SEC24B: variants seen among roughly 807,000 people sequenced by gnomAD.
SEC24B encodes the protein protein transport protein Sec24B.
A neutral mutation model predicts 142.8 loss-of-function variants in SEC24B; 45 were observed. The ratio of observed to expected loss-of-function variants is 0.32; its 90% CI spans 0.25 to 0.40. The LOEUF (loss-of-function observed/expected upper bound fraction) is 0.40. Among genes scored for constraint, SEC24B ranks in the 10% least tolerant of loss-of-function variants. The pLI is 1.00. For synonymous variants in SEC24B, 574 were observed against 568.2 expected, an observed-to-expected ratio of 1.01 and a Z score of -0.15; for missense variants, 1,409 against 1,526.8, an observed-to-expected ratio of 0.92 and a Z score of 1.29.
chr4:109,526,307 C>G lies in SEC24B; in HGVS notation c.2873C>G (p.Ala958Gly). The G allele has an allele frequency of 6.2e-7, 1 of 1,613,432 alleles. No individual in the cohort carries two copies. Among genetic ancestry groups the G allele is most frequent in the Non-Finnish European group, 8.5e-7 (1 of 1,179,442 alleles). The change falls in exon 17 of 24, where the codon GCT becomes GGT. Residue 958 changes from alanine to glycine, a missense_variant. Coordinates refer to ENST00000265175, the MANE Select transcript of SEC24B (RefSeq NM_006323.5). The stretch of plus-strand genomic sequence containing the variant: ...TCCCTTGCCAACATCAATCCTGATG[C>G]TGGATTTGCGGTGCAGTTGTCAATT... The part of the protein sequence containing the change: ...LLSLANINPD[A>G]GFAVQLSIEE...
chr4:109,485,563 A>G (rs1561121636), intron 4 of SEC24B, among the ~76,000 whole-genome samples: 1 of 152,322 alleles, frequency 6.6e-6, no homozygotes, highest in East Asian at 1.9e-4. Context: ...CATTTTTACT[A>G]TAATCTTAGT....
At position 109,525,477 on chromosome 4, in the gene SEC24B, G is replaced by A. The variant is rs1306533267; in HGVS notation, c.2764G>A (p.Ala922Thr). The A allele has an allele frequency of 6.2e-7, 1 of 1,610,800 alleles. No individual in the cohort carries two copies. Among genetic ancestry groups the A allele is most frequent in the Non-Finnish European group, 8.5e-7 (1 of 1,178,418 alleles). ...RYLTRKIGFEAVMRIRCTKGL... is the reference protein window; with the variant it reads ...RYLTRKIGFETVMRIRCTKGL... The stretch of plus-strand genomic sequence containing the variant: ...TCTCACAAGAAAAATTGGGTTTGAA[G>A]CTGTTATGAGAATAAGGTGTACTAA... Residue 922 changes from alanine (A) to threonine (T), a missense_variant, in exon 16 of 24, where the codon GCT becomes ACT. Ala to Thr is a moderately conservative substitution (Grantham distance 58). Around this residue, in one of 2 missense-constraint regions of SEC24B, gnomAD observed 700 missense variants for 853.3 expected, o/e 0.82. Transcript: ENST00000265175.
rs746168172 is a variant in SEC24B at position 109,521,570 on chromosome 4, T to C, written c.2452T>C (p.Leu818=). ...VSVFQTQLPS[L]GAGLLQSRED... ...TGTATTTCAGACACAGTTACCTTCC[T>C]TGGGTGCAGGACTTCTGCAATCCAG... Residue 818 remains leucine (L), a synonymous_variant, in exon 14 of 24, where the codon TTG becomes CTG. Transcript: ENST00000265175. 1.8e-5 allele frequency: 29 copies of C among 1,613,978 alleles called. No individual in the cohort carries two copies. The highest frequency in any genetic ancestry group is 2.4e-5 in the Non-Finnish European group (28 of 1,179,998).
chr4:109,512,295 C>G (rs1737423625), intron 9 of SEC24B, among the ~76,000 whole-genome samples: 1 of 152,048 alleles, frequency 6.6e-6, no homozygotes. Flanking sequence ...ACAGTGAGGA[C>G]AAAGTAAGAA....
At chr4:109,482,979 T>TATATACAC (rs781527364) in intron 4 of SEC24B, among the ~76,000 whole-genome samples, 16 of 26,412 alleles carry the variant, frequency 6.1e-4, no homozygotes, top group South Asian at 1.7e-3. Flanking sequence ...TATATATATA[T>TATATACAC]ACACACACAC....
intron 1 of SEC24B, among the ~76,000 whole-genome samples, chr4:109,438,512 C>CA (rs1578741435): frequency 6.6e-6 from 1 of 152,162 alleles, no homozygotes; most frequent in East Asian, 1.9e-4. Context: ...AGACTGATCT[C>CA]AAACTCCTGG....
In SEC24B at chr4:109,463,013, A is replaced by G. The variant is rs1418736467; in HGVS notation, c.246A>G (p.Pro82=). 4 of 1,614,162 alleles carry G rather than the reference A, an allele frequency of 2.5e-6. No homozygotes were observed. The highest frequency in any genetic ancestry group is 1.7e-4 in the Middle Eastern group (1 of 6,060). The change falls in exon 2 of 24, where the codon CCA becomes CCG. Residue 82 remains proline, a synonymous_variant. Coordinates refer to ENST00000265175, the MANE Select transcript of SEC24B (RefSeq NM_006323.5). ...SQGPGKMTSL[P]LDTQCGDYYS... The stretch of plus-strand genomic sequence containing the variant: ...GACCTGGGAAAATGACCTCATTGCC[A>G]TTGGATACCCAGTGTGGTGATTACT...
At chr4:109,500,939 G>A (rs969494674) in intron 6 of SEC24B, among the ~76,000 whole-genome samples, 1 of 152,102 alleles carries the variant, frequency 6.6e-6, no homozygotes, top group African/African-American at 2.4e-5. Context: ...GATTACAGAT[G>A]TGAGCCACCA....
intron 10 of SEC24B, among the ~76,000 whole-genome samples, chr4:109,516,079 A>G (rs183924442): frequency 3.9e-5 from 6 of 152,222 alleles, no homozygotes; most frequent in African/African-American, 1.4e-4. Context: ...TAATACCATC[A>G]CAAGGACTTT....
At chr4:109,492,531 C>T (rs927343355) in intron 5 of SEC24B, among the ~76,000 whole-genome samples, 1 of 152,144 alleles carries the variant, frequency 6.6e-6, no homozygotes, top group African/African-American at 2.4e-5. Flanking sequence ...ATTCAGTCAA[C>T]GAATTCTAAT....
Position 109,478,158 on chromosome 4 carries a change from G to A in SEC24B, c.1061-3519G>A, listed in dbSNP as rs1350287802. On this transcript the variant is annotated intron_variant, in intron 3 of 23. Transcript: ENST00000265175. ...AAAATTAGCTGGGCGTGATGGCACAGGCCTGTAATCCCAGCTACTCAGGAG... is the reference window on the plus strand; with the variant it reads ...AAAATTAGCTGGGCGTGATGGCACAAGCCTGTAATCCCAGCTACTCAGGAG... Among the ~76,000 whole-genome samples, 8 of 151,954 alleles carry A rather than the reference G, an allele frequency of 5.3e-5. 1 individual carries two copies. In the East Asian group the frequency reaches 1.5e-3, roughly 29 times the overall value.
At chr4:109,524,175 G>A (rs1433248851) in intron 14 of SEC24B, among the ~76,000 whole-genome samples, 2 of 152,056 alleles carry the variant, frequency 1.3e-5, no homozygotes, top group Non-Finnish European at 2.9e-5. Context: ...TTCTCTATCT[G>A]TCTGCCTAGG....
Position 109,433,856 on chromosome 4 carries a change from C to T in SEC24B, c.-14C>T. ...CCTCCCTGAAGCGGAGCCGCCGTCG[C>T]CACCAGCGCCGTCATGTCGGCCCCC... On this transcript the variant is annotated 5_prime_UTR_variant, in exon 1 of 24. Coordinates refer to ENST00000265175, the MANE Select transcript of SEC24B (RefSeq NM_006323.5). The T allele has an allele frequency of 1.5e-6, 2 of 1,315,000 alleles. No homozygotes were observed. The highest frequency in any genetic ancestry group is 3.3e-5 in the East Asian group (1 of 30,730). 81.5% of individuals were successfully genotyped at this position (1,315,000 alleles called of 1,614,324 possible).
intron 1 of SEC24B, among the ~76,000 whole-genome samples, chr4:109,452,437 A>T (rs1954917145): frequency 6.6e-6 from 1 of 152,212 alleles, no homozygotes; most frequent in African/African-American, 2.4e-5. Context: ...TAGGTAAATA[A>T]CTACAGTGGG....
intron 1 of SEC24B, chr4:109,449,516 GCC>G: frequency 2.2e-6 from 1 of 455,532 alleles, no homozygotes; most frequent in Admixed American, 2.4e-5. Context: ...ACAGGTGTGT[GCC>G]ACTACGCCCA....
chr4:109,533,943 G>A (rs987339529), intron 22 of SEC24B, among the ~76,000 whole-genome samples: 1 of 151,900 alleles, frequency 6.6e-6, no homozygotes, highest in Non-Finnish European at 1.5e-5. Context: ...TGCCTGTTCT[G>A]GATATGTTAT....
chr4:109,485,105 A>G (rs1178091654), intron 4 of SEC24B, among the ~76,000 whole-genome samples: 1 of 152,174 alleles, frequency 6.6e-6, no homozygotes. Flanking sequence ...TGTGATAATG[A>G]TAGTAACAAT....
intron 9 of SEC24B, among the ~76,000 whole-genome samples, chr4:109,512,721 T>C (rs1737488927): frequency 6.6e-6 from 1 of 151,680 alleles, no homozygotes; most frequent in Admixed American, 6.6e-5. Context: ...AGTTGCACAA[T>C]ATGGCTCACT....
chr4:109,525,568 T>C (rs1724133772), intron 16 of SEC24B, 64 bp downstream of exon 16: 7 of 1,114,494 alleles, frequency 6.3e-6, no homozygotes, highest in Non-Finnish European at 8.9e-6. Flanking sequence ...GAGCATTCCA[T>C]GTATTGACTA....
Sources: gnomAD v4.1 joint callset for allele counts (sites outside exome capture counted in the v4.1 genomes callset) on GRCh38, gnomAD v4.1.1 for gene constraint, gnomAD v4.1.1 regional missense constraint, MANE v1.5 for transcripts, NCBI Gene and HGNC (gene_info 2026-07-23, HGNC 2026-07-21) for gene names.